The following PSD3 variants were observed in gnomAD, a reference collection of about 807,000 sequenced individuals.
The protein encoded by PSD3 is pleckstrin and Sec7 domain containing 3.
In PSD3, 49 loss-of-function variants were observed where a neutral mutation model predicts 105.5. The observed-to-expected ratio is 0.46, with a 90% CI of 0.37 to 0.59. The LOEUF is 0.59. Among genes scored for constraint, PSD3 ranks in the 20% least tolerant of loss-of-function variants. The pLI is 0.00. For missense variants in PSD3, 1,561 were observed against 1,263.8 expected (o/e 1.24, Z -3.57); for synonymous variants, 557 against 457.8 (o/e 1.22, Z -2.77).
intron 12 of PSD3, among the ~76,000 whole-genome samples, chr8:18,595,324 A>G (rs1436812068): frequency 1.3e-5 from 2 of 151,508 alleles, no homozygotes; most frequent in African/African-American, 4.8e-5. Flanking sequence ...GAAGTAAAAA[A>G]GTGACAAGAC....
chr8:18,571,698 C>T (rs150133294), intron 14 of PSD3, among the ~76,000 whole-genome samples: 95 of 152,354 alleles, frequency 6.2e-4, no homozygotes, highest in Admixed American at 2.0e-3. Flanking sequence ...ATTGCTCCCT[C>T]TCTTGCCATG....
chr8:18,973,721 T>C (rs1362762157), intron 1 of PSD3, among the ~76,000 whole-genome samples: 2 of 152,212 alleles, frequency 1.3e-5, no homozygotes, highest in Non-Finnish European at 2.9e-5. Flanking sequence ...ATTGGATCTC[T>C]ATTGCTCTAG....
At chr8:18,844,829 C>G (rs1037390129) in intron 4 of PSD3, among the ~76,000 whole-genome samples, 1 of 152,192 alleles carries the variant, frequency 6.6e-6, no homozygotes, top group African/African-American at 2.4e-5. Context: ...CCAGAATAAG[C>G]TACTCTGCAT....
At chr8:18,669,348 C>A (rs1016762099) in intron 9 of PSD3, among the ~76,000 whole-genome samples, 3 of 152,128 alleles carry the variant, frequency 2.0e-5, no homozygotes, top group African/African-American at 7.2e-5. Flanking sequence ...TTTTCCTAGA[C>A]TTACATGCTT....
At chr8:18,592,103 G>T (rs1282318620) in intron 12 of PSD3, among the ~76,000 whole-genome samples, 1 of 151,944 alleles carries the variant, frequency 6.6e-6, no homozygotes, top group Non-Finnish European at 1.5e-5. Context: ...AAAGGTATAA[G>T]AATTACCTGC....
chr8:18,694,611 G>A (rs61213768), intron 9 of PSD3, among the ~76,000 whole-genome samples: 1 of 140,934 alleles, frequency 7.1e-6, no homozygotes, highest in Non-Finnish European at 1.6e-5. Context: ...CTGCATCTCC[G>A]AAAAAAAAAA....
chr8:18,707,364 G>A (rs1801965074), intron 9 of PSD3, among the ~76,000 whole-genome samples: 3 of 152,136 alleles, frequency 2.0e-5, no homozygotes, highest in Admixed American at 2.0e-4. Flanking sequence ...CAGGTAAGTA[G>A]CAGATTCTCA....
chr8:18,907,858 A>C (rs1457705941), intron 2 of PSD3, among the ~76,000 whole-genome samples: 1 of 152,208 alleles, frequency 6.6e-6, no homozygotes, highest in African/African-American at 2.4e-5. Flanking sequence ...CCTTTCATTT[A>C]AACTTTTTTC....
At chr8:18,632,909 C>G (rs1807005295) in intron 10 of PSD3, 103 bp from the exon 11 acceptor site, 1 of 893,466 alleles carries the variant, frequency 1.1e-6, no homozygotes. Context: ...AATGGTGTAT[C>G]ACTTTTTATA....
chr8:18,588,966 T>C (rs1239096155), intron 12 of PSD3, among the ~76,000 whole-genome samples: 1 of 152,132 alleles, frequency 6.6e-6, no homozygotes, highest in Non-Finnish European at 1.5e-5. Context: ...AGAGAAACGG[T>C]TTTGCCAAAG....
chr8:18,669,686 T>G (rs1275491406), intron 9 of PSD3, among the ~76,000 whole-genome samples: 1 of 152,222 alleles, frequency 6.6e-6, no homozygotes, highest in African/African-American at 2.4e-5. Context: ...TATGAAATGT[T>G]TGTCTCTAAA....
chr8:18,555,148 G>C (rs977981179), intron 15 of PSD3, among the ~76,000 whole-genome samples: 2 of 151,976 alleles, frequency 1.3e-5, no homozygotes, highest in Non-Finnish European at 2.9e-5. Context: ...AAAACAACCG[G>C]CCAAAGGATT....
At chr8:18,738,575 T>G (rs894718600) in intron 9 of PSD3, among the ~76,000 whole-genome samples, 1 of 152,186 alleles carries the variant, frequency 6.6e-6, no homozygotes, top group African/African-American at 2.4e-5. Context: ...ATGTTAAATT[T>G]TTAATACAGT....
chr8:18,972,416 C>G (rs888332186), intron 1 of PSD3, among the ~76,000 whole-genome samples: 10 of 152,196 alleles, frequency 6.6e-5, no homozygotes, highest in African/African-American at 2.4e-4. Flanking sequence ...GCAGTTATCA[C>G]AGGGTCAGAT....
intron 1 of PSD3, among the ~76,000 whole-genome samples, chr8:19,039,140 T>C (rs1391986106): frequency 2.0e-5 from 3 of 152,226 alleles, no homozygotes; most frequent in Non-Finnish European, 2.9e-5. Context: ...TTTTTTCCCT[T>C]GGCTTTGTGA....
intron 15 of PSD3, among the ~76,000 whole-genome samples, chr8:18,544,910 T>C (rs1429937297): frequency 1.3e-5 from 2 of 152,132 alleles, no homozygotes; most frequent in South Asian, 2.1e-4. Flanking sequence ...TGACCATCAG[T>C]AGACGCTCCC....
At chr8:18,807,740 T>C (rs950170480) in intron 4 of PSD3, among the ~76,000 whole-genome samples, 2 of 152,218 alleles carry the variant, frequency 1.3e-5, no homozygotes, top group Non-Finnish European at 2.9e-5. Context: ...AATTGCTTCA[T>C]TATGATAAAA....
intron 1 of PSD3, among the ~76,000 whole-genome samples, chr8:19,060,508 C>A (rs1045787880): frequency 6.6e-6 from 1 of 152,146 alleles, no homozygotes; most frequent in Non-Finnish European, 1.5e-5. Flanking sequence ...ATGGCACACA[C>A]CTGTAGTCCC....
intron 1 of PSD3, among the ~76,000 whole-genome samples, chr8:19,025,263 G>T (rs540143349): frequency 6.6e-6 from 1 of 152,122 alleles, no homozygotes; most frequent in East Asian, 1.9e-4. Context: ...TGTAAACATG[G>T]GTGACACCAC....
Sources: gnomAD v4.1 joint callset for allele counts (sites outside exome capture counted in the v4.1 genomes callset) on GRCh38, gnomAD v4.1.1 for gene constraint, MANE v1.5 for transcripts, NCBI Gene and HGNC (gene_info 2026-07-23, HGNC 2026-07-21) for gene names.